The following BNIP3 variants were observed in gnomAD, a reference collection of about 807,000 sequenced individuals.
BNIP3 encodes BCL2 interacting protein 3, also known as BCL2/adenovirus E1B 19 kDa protein-interacting protein 3.
Under a neutral mutation model 23.9 loss-of-function variants are expected in BNIP3, and 16 were observed. The observed-to-expected ratio is 0.67, with a 90% CI of 0.45 to 1.01. The LOEUF is 1.01. Among genes scored for constraint, BNIP3 ranks in the 50% least tolerant of loss-of-function variants. BNIP3 has a pLI of 0.00. For missense variants in BNIP3, 198 were observed against 248.7 expected (o/e 0.80, Z 1.37); for synonymous variants, 81 against 89.3 (o/e 0.91, Z 0.53).
Position 131,968,502 on chromosome 10 carries a change from C to G in BNIP3, c.*22G>C. On this transcript the variant is annotated 3_prime_UTR_variant, in exon 6 of 6. Coordinates refer to ENST00000368636, the MANE Select transcript of BNIP3 (RefSeq NM_004052.4). ...GCTCAGAAGTAATCCACTAACGAAC[C>G]AAGTCAGACTCCAGTTCTTCATCAA... is the stretch of plus-strand genomic sequence containing the variant. 6.4e-7 allele frequency: 1 copy of G among 1,567,758 alleles called. No homozygotes were observed. The highest frequency in any genetic ancestry group is 8.8e-7 in the Non-Finnish European group (1 of 1,138,646).
At chr10:131,971,353 C>G in intron 3 of BNIP3, 1 of 247,178 alleles carries the variant, frequency 4.0e-6, no homozygotes, top group South Asian at 5.5e-5. Context: ...ATGAAAACAG[C>G]CGAAAACGGC....
rs570376010 is a variant in BNIP3, at chr10:131,981,919, G to T, written c.-113C>A. On this transcript the variant is annotated 5_prime_UTR_variant, in exon 1 of 6. Transcript: ENST00000368636. ...AGCGCCGCGGCCCAGCTGCGCTCCCGGACTGAGCGGAGCCCCGCAGCCCGG... is the reference window on the plus strand; with the variant it reads ...AGCGCCGCGGCCCAGCTGCGCTCCCTGACTGAGCGGAGCCCCGCAGCCCGG... The T allele has an allele frequency of 9.7e-6, 12 of 1,233,468 alleles. No homozygotes were observed. Among genetic ancestry groups the T allele is most frequent in the Non-Finnish European group, 1.2e-5 (11 of 954,536 alleles). The allele number at this position is 1,233,468 out of a possible 1,614,324, so 76.4% of individuals were successfully genotyped here.
At chr10:131,979,732 A>T (rs939253151) in intron 1 of BNIP3, among the ~76,000 whole-genome samples, 1 of 152,244 alleles carries the variant, frequency 6.6e-6, no homozygotes, top group East Asian at 1.9e-4. Context: ...AGCTAGAATG[A>T]TCAAGAGATA....
chr10:131,975,716 G>C (rs2037074017), intron 1 of BNIP3, among the ~76,000 whole-genome samples: 1 of 152,202 alleles, frequency 6.6e-6, no homozygotes, highest in Non-Finnish European at 1.5e-5. Flanking sequence ...CGAAGGCCCA[G>C]GAAGGAAAAG....
chr10:131,980,012 C>T (rs1589978219), intron 1 of BNIP3, among the ~76,000 whole-genome samples: 1 of 152,270 alleles, frequency 6.6e-6, no homozygotes, highest in Admixed American at 6.5e-5. Flanking sequence ...CCCACAGTGG[C>T]CCCGTCCTGC....
chr10:131,981,185 G>C (rs1037643753), intron 1 of BNIP3: 1 of 152,490 alleles, frequency 6.6e-6, no homozygotes, highest in Non-Finnish European at 1.5e-5. Flanking sequence ...CTTTGTTTTG[G>C]AACGACCCTC....
chr10:131,970,598 C>G lies in BNIP3; in HGVS notation c.539+40G>C. 1 of 1,604,640 alleles carries G rather than the reference C, an allele frequency of 6.2e-7. No homozygotes were observed. Among genetic ancestry groups the G allele is most frequent in the East Asian group, 2.2e-5 (1 of 44,764 alleles). On this transcript the variant is annotated intron_variant, in intron 5 of 5. Coordinates refer to ENST00000368636, the MANE Select transcript of BNIP3 (RefSeq NM_004052.4). This position sits in a 1 kb window ranked among gnomAD's most constrained non-coding sequence, Gnocchi z 4.1. ...ATCACTGCAACCCAGAATCGCCCCACGACATGCCATGACAGGAGTCACACA... is the reference window on the plus strand; with the variant it reads ...ATCACTGCAACCCAGAATCGCCCCAGGACATGCCATGACAGGAGTCACACA...
Position 131,968,563 on chromosome 10 carries a change from A to G in BNIP3, c.546T>C (p.Tyr182=), listed in dbSNP as rs45471102. 263 of 1,600,776 alleles carry G rather than the reference A, an allele frequency of 1.6e-4. 2 individuals carry two copies. The African/African-American group carries it at 3.2e-3, about 19-fold the overall frequency. The change falls in exon 6 of 6, where the codon TAT becomes TAC. Residue 182 remains tyrosine (Y), a synonymous_variant. Coordinates refer to ENST00000368636, the MANE Select transcript of BNIP3 (RefSeq NM_004052.4). ...TGGAGGTTGTCAGACGCCTTCCAAT[A>G]TAGATCCTTCACAGAAAAATTATCA... ...SHLLAIGLGI[Y]IGRRLTTSTS... is the part of the protein sequence containing the mutation.
At chr10:131,968,823 G>A (rs1351953092) in intron 5 of BNIP3, 3 of 357,296 alleles carry the variant, frequency 8.4e-6, no homozygotes, top group African/African-American at 2.1e-5. Flanking sequence ...ACCGAATGCT[G>A]TTTCCACACA....
intron 1 of BNIP3, among the ~76,000 whole-genome samples, chr10:131,977,356 C>A (rs2037086799): frequency 2.0e-5 from 3 of 152,180 alleles, no homozygotes; most frequent in Admixed American, 6.5e-5. Context: ...AGACCAAACA[C>A]ATACTGTAAT....
At chr10:131,973,334 G>C in intron 2 of BNIP3, 1 of 541,190 alleles carries the variant, frequency 1.8e-6, no homozygotes. Context: ...GTCTTCCAGA[G>C]AAGACGCAGG....
In BNIP3 at chr10:131,976,031, G is replaced by GTACT. The variant is rs1364026741; in HGVS notation, c.47-2092_47-2089dup. On this transcript the variant is annotated intron_variant, in intron 1 of 5. Coordinates refer to ENST00000368636, the MANE Select transcript of BNIP3 (RefSeq NM_004052.4). This position sits in a 1 kb window ranked among gnomAD's most constrained non-coding sequence, Gnocchi z 4.3. The stretch of plus-strand genomic sequence containing the variant: ...TCATCTGACCAGACAGTATTGCCAA[G>GTACT]TACTCTGATGTTCACTAGCCCTCCT... Among the ~76,000 whole-genome samples, 9 of 152,338 alleles carry GTACT rather than the reference G, an allele frequency of 5.9e-5. No individual in the cohort carries two copies. The South Asian group carries it at 1.9e-3, about 32-fold the overall frequency.
At chr10:131,974,109 T>C (rs2037062356) in intron 1 of BNIP3, among the ~76,000 whole-genome samples, 166 bp from the exon 2 acceptor site, 1 of 152,168 alleles carries the variant, frequency 6.6e-6, no homozygotes, top group Non-Finnish European at 1.5e-5. Context: ...CCCACTCTCA[T>C]GGCAGTGACT....
In BNIP3 at chr10:131,970,861, C is replaced by CA; in HGVS notation, c.389+2dup. 6.2e-7 allele frequency: 1 copy of CA among 1,614,246 alleles called. No individual in the cohort carries two copies. The highest frequency in any genetic ancestry group is 8.5e-7 in the Non-Finnish European group (1 of 1,180,044). On this transcript the variant is annotated splice_region_variant and intron_variant, in intron 4 of 5. Transcript: ENST00000368636. This position sits in a 1 kb window ranked among gnomAD's most constrained non-coding sequence, Gnocchi z 4.1. ...GCCCCCGTGACACTGAGAACACACT[C>CA]ACTTGGGGGGAATATTTTCCGGCCG... is the stretch of plus-strand genomic sequence containing the variant.
chr10:131,971,013 G>A lies in BNIP3; in HGVS notation c.283-43C>T, dbSNP rs45443303. The stretch of plus-strand genomic sequence containing the variant: ...TTAAAGGCAGATCAGTGTACCACAC[G>A]TGACACGGGAAAGCACCCAGCTCCC... On this transcript the variant is annotated intron_variant, in intron 3 of 5. Transcript: ENST00000368636. The A allele has an allele frequency of 7.2e-5, 113 of 1,575,282 alleles. No individual in the cohort carries two copies. In the African/African-American group the frequency reaches 1.3e-3, roughly 19 times the overall value.
chr10:131,977,530 C>A (rs11146417), intron 1 of BNIP3, among the ~76,000 whole-genome samples: 2 of 152,014 alleles, frequency 1.3e-5, no homozygotes, highest in Non-Finnish European at 2.9e-5. Context: ...CCAAGATCCA[C>A]GCACCAACAT....
rs1303066512 is a variant in BNIP3, at chr10:131,976,004, G to A, written c.47-2061C>T. ...TACAGACCACACCATTCCTGAAGCC[G>A]CTCATCTGACCAGACAGTATTGCCA... On this transcript the variant is annotated intron_variant, in intron 1 of 5. Transcript: ENST00000368636. The surrounding 1 kb of genome is among the most constrained non-coding windows in gnomAD (Gnocchi z 4.3). 5.3e-5 allele frequency among the ~76,000 whole-genome samples: 8 copies of A among 152,116 alleles called. No homozygotes were observed. The East Asian group carries it at 1.3e-3, about 26-fold the overall frequency.
chr10:131,969,541 C>G (rs960942496), intron 5 of BNIP3: 1 of 152,264 alleles, frequency 6.6e-6, no homozygotes, highest in African/African-American at 2.4e-5. Context: ...GCCACGCACA[C>G]GGGAGGGCGA....
Position 131,970,594 on chromosome 10 carries a change from C to T in BNIP3, c.539+44G>A, listed in dbSNP as rs780830310. 2 of 1,602,594 alleles carry T rather than the reference C, an allele frequency of 1.2e-6. No homozygotes were observed. The highest frequency in any genetic ancestry group is 1.1e-5 in the South Asian group (1 of 89,624). On this transcript the variant is annotated intron_variant, in intron 5 of 5. Transcript: ENST00000368636. The surrounding 1 kb of genome is among the most constrained non-coding windows in gnomAD (Gnocchi z 4.1). Reference sequence around the variant, plus strand: ...ATAAATCACTGCAACCCAGAATCGCCCCACGACATGCCATGACAGGAGTCA... The same window carrying T: ...ATAAATCACTGCAACCCAGAATCGCTCCACGACATGCCATGACAGGAGTCA...
Sources: gnomAD v4.1 joint callset for allele counts (sites outside exome capture counted in the v4.1 genomes callset) on GRCh38, gnomAD v4.1.1 for gene constraint, Gnocchi (gnomAD v3.1) non-coding constraint, MANE v1.5 for transcripts, NCBI Gene and HGNC (gene_info 2026-07-23, HGNC 2026-07-21) for gene names.